The following DPY19L4 variants were observed in gnomAD, a reference collection of about 807,000 sequenced individuals.
The protein encoded by DPY19L4 is probable C-mannosyltransferase DPY19L4.
A neutral mutation model predicts 102.8 loss-of-function variants in DPY19L4; 97 were observed. That is an observed-to-expected ratio of 0.94 (90% CI 0.80 to 1.12). The LOEUF is 1.12. DPY19L4 is among the 50% of genes most tolerant of loss of function. The pLI is 0.00. For synonymous variants in DPY19L4, 252 were observed against 283.1 expected (o/e 0.89, Z 1.10); for missense variants, 815 against 850.4 (o/e 0.96, Z 0.52).
rs1358771725 is a variant in DPY19L4, at chr8:94,788,801, A to G, written c.2007+749A>G. 4.6e-5 allele frequency among the ~76,000 whole-genome samples: 7 copies of G among 152,236 alleles called. No individual in the cohort carries two copies. The East Asian group carries it at 1.3e-3, about 29-fold the overall frequency. Reference sequence around the variant, plus strand: ...AGTTTAGTAAGTCATTGTAAGTGGTAGTAGATATACTATTCAGGTTGCAGC... The same window carrying G: ...AGTTTAGTAAGTCATTGTAAGTGGTGGTAGATATACTATTCAGGTTGCAGC... On this transcript the variant is annotated intron_variant, in intron 18 of 18. Transcript: ENST00000414645.
intron 12 of DPY19L4, among the ~76,000 whole-genome samples, chr8:94,769,448 A>C (rs577221240): frequency 7.2e-5 from 11 of 152,126 alleles, no homozygotes; most frequent in Non-Finnish European, 1.6e-4. Flanking sequence ...TTAAATAATC[A>C]GTTAAACTTT....
rs1312649572 is a variant in DPY19L4 at position 94,791,880 on chromosome 8, C to T, written c.*1970C>T. 6.6e-6 allele frequency: 1 copy of T among 152,066 alleles called. No individual in the cohort carries two copies. Among genetic ancestry groups the T allele is most frequent in the East Asian group, 1.9e-4 (1 of 5,200 alleles). 9.4% of individuals were successfully genotyped at this position (152,066 alleles called of 1,614,324 possible). On this transcript the variant is annotated 3_prime_UTR_variant, in exon 19 of 19. Transcript: ENST00000414645. Reference sequence around the variant, plus strand: ...TTTAAATAATGAATTTTTCATCCAGCATCAGTTGAAAAGGAAAAGAAAGCT... The same window carrying T: ...TTTAAATAATGAATTTTTCATCCAGTATCAGTTGAAAAGGAAAAGAAAGCT...
chr8:94,753,242 G>A (rs970006407), intron 6 of DPY19L4, among the ~76,000 whole-genome samples: 47 of 152,040 alleles, frequency 3.1e-4, no homozygotes, highest in Admixed American at 1.6e-3. Flanking sequence ...TTTCAAAAAA[G>A]AATAAGTATG....
chr8:94,783,787 C>T lies in DPY19L4; in HGVS notation c.1833C>T (p.Leu611=). 2 of 1,613,688 alleles carry T rather than the reference C, an allele frequency of 1.2e-6. No individual in the cohort carries two copies. Among genetic ancestry groups the T allele is most frequent in the South Asian group, 1.1e-5 (1 of 90,928 alleles). The part of the protein sequence containing the change: ...SLPLYNDDDL[L]KRNENIYQIY... Reference sequence around the variant, plus strand: ...CTCTTTACAATGATGATGATCTTCTCAAGAGAAATGAAAATGTAAGACATT... The same window carrying T: ...CTCTTTACAATGATGATGATCTTCTTAAGAGAAATGAAAATGTAAGACATT... The change falls in exon 17 of 19, where the codon CTC becomes CTT. Residue 611 remains leucine, a synonymous_variant. Coordinates refer to ENST00000414645, the MANE Select transcript of DPY19L4 (RefSeq NM_181787.3).
chr8:94,771,707 G>A lies in DPY19L4; in HGVS notation c.1454+1136G>A, dbSNP rs189947045. On this transcript the variant is annotated intron_variant, in intron 13 of 18. Coordinates refer to ENST00000414645, the MANE Select transcript of DPY19L4 (RefSeq NM_181787.3). ...GGTAGAGGGAATGGCATATGCCCAG[G>A]CCTGGGCAGGAAGGATCATGGCACA... Among the ~76,000 whole-genome samples the A allele has an allele frequency of 6.6e-4, 101 of 152,330 alleles. 1 individual carries two copies. The East Asian group carries it at 0.018, about 26-fold the overall frequency.
chr8:94,782,060 C>T (rs1248076725), intron 16 of DPY19L4, among the ~76,000 whole-genome samples: 1 of 152,172 alleles, frequency 6.6e-6, no homozygotes, highest in Non-Finnish European at 1.5e-5. Context: ...AGACCTCTAG[C>T]TATTTCTGAT....
rs191414550 is a variant in DPY19L4, at chr8:94,773,138, C to T, written c.1454+2567C>T. On this transcript the variant is annotated intron_variant, in intron 13 of 18. Transcript: ENST00000414645. Reference sequence around the variant, plus strand: ...CTAAGGCAGGAGAATCGCTTGAACCCGGGAGGCGGAGATTGCAGTGAGCCA... The same window carrying T: ...CTAAGGCAGGAGAATCGCTTGAACCTGGGAGGCGGAGATTGCAGTGAGCCA... Among the ~76,000 whole-genome samples, 1,335 of 148,844 alleles carry T rather than the reference C, an allele frequency of 9.0e-3. 17 individuals carry two copies. The highest frequency in any genetic ancestry group is 0.031 in the African/African-American group (1,259 of 40,456).
intron 6 of DPY19L4, among the ~76,000 whole-genome samples, chr8:94,741,289 T>A (rs1811434417): frequency 6.6e-6 from 1 of 152,240 alleles, no homozygotes; most frequent in Non-Finnish European, 1.5e-5. Context: ...TGGCGTTTTT[T>A]AGCACCAAAT....
At chr8:94,764,713 ATATATTTTTTTTT>A (rs1364373648) in intron 8 of DPY19L4, among the ~76,000 whole-genome samples, 4 of 58,366 alleles carry the variant, frequency 6.9e-5, no homozygotes, top group African/African-American at 2.7e-4. Flanking sequence ...ATATATATAT[ATATATTTTTTTTT>A]TTTTTTTTTT....
chr8:94,731,815 G>C (rs760440360), intron 2 of DPY19L4, among the ~76,000 whole-genome samples: 6 of 151,990 alleles, frequency 3.9e-5, no homozygotes, highest in Non-Finnish European at 8.8e-5. Flanking sequence ...GCAGTGGTGC[G>C]ATCTCGGCTC....
intron 6 of DPY19L4, among the ~76,000 whole-genome samples, chr8:94,752,723 G>C (rs1046652220): frequency 2.0e-5 from 3 of 149,316 alleles, no homozygotes; most frequent in African/African-American, 7.4e-5. Flanking sequence ...GGAGTGCAGC[G>C]ACGTGATCTT....
At chr8:94,773,930 G>A (rs1813051184) in intron 13 of DPY19L4, among the ~76,000 whole-genome samples, 1 of 149,632 alleles carries the variant, frequency 6.7e-6, no homozygotes, top group African/African-American at 2.5e-5. Context: ...AGCCACTATG[G>A]AGGCTGAGGT....
At chr8:94,720,072 C>T (rs1810387976) in intron 1 of DPY19L4, 58 bp downstream of exon 1, 2 of 1,505,540 alleles carry the variant, frequency 1.3e-6, no homozygotes, top group Admixed American at 2.2e-5. Context: ...GAAGGAGGGG[C>T]GGGGGCGCTG....
At chr8:94,729,163 G>A (rs930508628) in intron 2 of DPY19L4, among the ~76,000 whole-genome samples, 2 of 152,102 alleles carry the variant, frequency 1.3e-5, no homozygotes, top group African/African-American at 2.4e-5. Flanking sequence ...GAGGTCAGGA[G>A]ATCGAGACCA....
chr8:94,735,077 A>G (rs1314441213), intron 3 of DPY19L4, among the ~76,000 whole-genome samples: 1 of 152,184 alleles, frequency 6.6e-6, no homozygotes, highest in Non-Finnish European at 1.5e-5. Context: ...AAGTTTTAGT[A>G]TTAAAATATT....
intron 6 of DPY19L4, among the ~76,000 whole-genome samples, chr8:94,746,124 C>T (rs1811664059): frequency 7.7e-6 from 1 of 129,480 alleles, no homozygotes; most frequent in African/African-American, 3.0e-5. Flanking sequence ...TGCAGGGGTG[C>T]GATCTTGGCT....
intron 13 of DPY19L4, among the ~76,000 whole-genome samples, chr8:94,770,946 GCT>G (rs1050806672): frequency 7.0e-6 from 1 of 142,578 alleles, no homozygotes; most frequent in African/African-American, 2.6e-5. Context: ...TTAGAATCTC[GCT>G]CTGTCACCCA....
chr8:94,750,017 G>A (rs1334922462), intron 6 of DPY19L4, among the ~76,000 whole-genome samples: 1 of 152,132 alleles, frequency 6.6e-6, no homozygotes, highest in East Asian at 1.9e-4. Flanking sequence ...GTGCAGTGGT[G>A]CAATCTCAGT....
intron 13 of DPY19L4, among the ~76,000 whole-genome samples, chr8:94,776,963 C>CAA (rs60781801): frequency 0.016 from 1,466 of 94,436 alleles, 25 homozygotes; most frequent in African/African-American, 0.035. Context: ...GACTCCGCTT[C>CAA]AAAAAAAAAA....
Sources: allele counts gnomAD v4.1 joint callset (sites outside exome capture counted in the v4.1 genomes callset), GRCh38; gene constraint gnomAD v4.1.1; transcripts MANE v1.5; gene names NCBI Gene and HGNC (gene_info 2026-07-23, HGNC 2026-07-21).